Variants in OR51B5 observed in about 807,000 individuals in gnomAD.
The protein encoded by OR51B5 is olfactory receptor family 51 subfamily B member 5.
For synonymous variants in OR51B5, 186 were observed against 144.8 expected (o/e 1.28, Z -2.04); for missense variants, 456 against 374.6 (o/e 1.22, Z -1.79).
chr11:5,374,480 G>C (rs1274033032), intron 1 of OR51B5, among the ~76,000 whole-genome samples: 1 of 152,216 alleles, frequency 6.6e-6, no homozygotes, highest in Non-Finnish European at 1.5e-5. Flanking sequence ...AAGCTGGATG[G>C]AGAATGACTT....
At chr11:5,487,291 G>C (rs1003637651) in intron 1 of OR51B5, among the ~76,000 whole-genome samples, 20 of 152,034 alleles carry the variant, frequency 1.3e-4, no homozygotes, top group African/African-American at 3.9e-4. Flanking sequence ...GAAAAAATAG[G>C]GGAATTATTC....
Position 5,401,788 on chromosome 11 carries a change from C to T in OR51B5, n.85-54878G>A, listed in dbSNP as rs543948533. Among the ~76,000 whole-genome samples, 72 of 151,758 alleles carry T rather than the reference C, an allele frequency of 4.7e-4. 3 individuals carry two copies. The South Asian group carries it at 0.014, about 30-fold the overall frequency. On this transcript the variant is annotated intron_variant and non_coding_transcript_variant, in intron 1 of 4. Coordinates refer to the OR51B5 transcript ENST00000415970. ...CTCTAAGTTGATCCAAGGTGCACTA[C>T]ACCTTAAATGCATAATCTTTCTTTT...
At chr11:5,341,308 G>C (rs1564911020), downstream of OR51B5, 1 of 151,750 alleles carries the variant, frequency 6.6e-6, no homozygotes, top group Non-Finnish European at 1.5e-5. Flanking sequence ...TGCTACCTAA[G>C]GAGCAGGGGC....
At chr11:5,432,743 T>C (rs1498485) in intron 1 of OR51B5, among the ~76,000 whole-genome samples, 3 of 151,992 alleles carry the variant, frequency 2.0e-5, no homozygotes, top group African/African-American at 4.8e-5. Context: ...GAGAGAAAAA[T>C]TGAATAACAG....
At chr11:5,392,727 A>G (rs1416594397) in intron 1 of OR51B5, 1 of 152,250 alleles carries the variant, frequency 6.6e-6, no homozygotes, top group Non-Finnish European at 1.5e-5. Flanking sequence ...CCTGGCTAAC[A>G]CGGTGGAACC....
At chr11:5,422,106 A>T in intron 1 of OR51B5, 2 of 971,674 alleles carry the variant, frequency 2.1e-6, no homozygotes, top group Non-Finnish European at 3.1e-6. Context: ...TTATTTGTGT[A>T]GAATTTGGAT....
chr11:5,469,577 C>A (rs1300417880), intron 1 of OR51B5, among the ~76,000 whole-genome samples: 6 of 148,364 alleles, frequency 4.0e-5, no homozygotes, highest in African/African-American at 9.9e-5. Context: ...TCAAAAAAAA[C>A]CAGATTACAT....
At chr11:5,443,493 T>A (rs1292873183) in intron 1 of OR51B5, among the ~76,000 whole-genome samples, 1 of 150,912 alleles carries the variant, frequency 6.6e-6, no homozygotes, top group Non-Finnish European at 1.5e-5. Context: ...TCTTTTTAGA[T>A]CTAGCCTGTT....
chr11:5,342,222 G>A (rs756621680), downstream of OR51B5, among the ~76,000 whole-genome samples: 7 of 152,194 alleles, frequency 4.6e-5, no homozygotes, highest in Admixed American at 6.5e-5. Flanking sequence ...CATTTCACTC[G>A]AACCAACTAA....
intron 1 of OR51B5, among the ~76,000 whole-genome samples, chr11:5,419,379 G>T (rs1850295412): frequency 6.6e-6 from 1 of 152,198 alleles, no homozygotes; most frequent in South Asian, 2.1e-4. Context: ...CAGAACTACA[G>T]TTGGTCCTCC....
intron 1 of OR51B5, among the ~76,000 whole-genome samples, chr11:5,435,262 A>C (rs1455593646): frequency 6.6e-6 from 1 of 152,224 alleles, no homozygotes; most frequent in Non-Finnish European, 1.5e-5. Context: ...GATCTCATGG[A>C]TATGAAGTGC....
At chr11:5,403,711 G>A (rs1850011521) in intron 1 of OR51B5, among the ~76,000 whole-genome samples, 1 of 152,222 alleles carries the variant, frequency 6.6e-6, no homozygotes, top group Non-Finnish European at 1.5e-5. Flanking sequence ...GGTGCAGGTA[G>A]AGGTGAATTA....
At chr11:5,370,584 T>A (rs764175754) in intron 1 of OR51B5, among the ~76,000 whole-genome samples, 1 of 152,186 alleles carries the variant, frequency 6.6e-6, no homozygotes, top group South Asian at 2.1e-4. Flanking sequence ...AAATGAATAA[T>A]AGAATAACTA....
chr11:5,402,523 T>C, intron 1 of OR51B5: 2 of 383,880 alleles, frequency 5.2e-6, no homozygotes, highest in Non-Finnish European at 1.1e-5. Context: ...TTGTCTTTCT[T>C]CATAATGATG....
At chr11:5,473,697 G>A (rs1027182409) in intron 1 of OR51B5, among the ~76,000 whole-genome samples, 1 of 152,116 alleles carries the variant, frequency 6.6e-6, no homozygotes, top group African/African-American at 2.4e-5. Flanking sequence ...TAGAGCATCA[G>A]AAGAGTATTC....
chr11:5,422,168 A>T (rs1360731385), intron 1 of OR51B5: 3 of 1,462,270 alleles, frequency 2.1e-6, no homozygotes, highest in South Asian at 1.3e-5. Context: ...TCCCTGAGTG[A>T]AGATCCTGAA....
intron 1 of OR51B5, chr11:5,489,608 A>T: frequency 6.2e-7 from 1 of 1,613,978 alleles, no homozygotes; most frequent in East Asian, 2.2e-5. Flanking sequence ...GCTAGAACCA[A>T]GGAGATTCGG....
intron 1 of OR51B5, among the ~76,000 whole-genome samples, chr11:5,458,210 T>C (rs952517164): frequency 6.6e-6 from 1 of 152,178 alleles, no homozygotes; most frequent in Non-Finnish European, 1.5e-5. Context: ...CCCAGCACTG[T>C]GTATTGAATA....
chr11:5,490,815 T>C (rs1197954671), intron 1 of OR51B5, among the ~76,000 whole-genome samples: 3 of 152,204 alleles, frequency 2.0e-5, no homozygotes, highest in Non-Finnish European at 2.9e-5. Context: ...CCCACTTTAC[T>C]GCCCTCAGCA....
Sources: allele counts gnomAD v4.1 joint callset (sites outside exome capture counted in the v4.1 genomes callset), GRCh38; gene constraint gnomAD v4.1.1; transcripts MANE v1.5; gene names NCBI Gene and HGNC (gene_info 2026-07-23, HGNC 2026-07-21).